LSAMP: variants seen among roughly 807,000 people sequenced by gnomAD.
LSAMP encodes limbic system associated membrane protein, also known as limbic system-associated membrane protein.
LSAMP carries 7 observed loss-of-function variants against 38.6 expected under a neutral mutation model. The ratio of observed to expected loss-of-function variants is 0.18; its 90% confidence interval spans 0.10 to 0.34. LSAMP has a LOEUF of 0.34. LSAMP is among the 10% of genes least tolerant of loss of function. LSAMP has a pLI of 1.00. For missense variants in LSAMP, 313 were observed against 420.0 expected (o/e 0.75, Z 2.23); for synonymous variants, 154 against 166.8 (o/e 0.92, Z 0.59).
At chr3:115,915,694 G>A (rs142859135) in intron 3 of LSAMP, among the ~76,000 whole-genome samples, 1,901 of 151,722 alleles carry the variant, frequency 0.013, 15 homozygotes, top group Non-Finnish European at 0.02. Flanking sequence ...GTGCAGTGGC[G>A]CAATCTCGGC....
intron 6 of LSAMP, 85 bp from the exon 7 acceptor site, chr3:115,810,499 G>T: frequency 1.1e-6 from 1 of 907,920 alleles, no homozygotes; most frequent in Non-Finnish European, 1.8e-6. Context: ...TGGTATCAGA[G>T]GTAAGACCTG....
intron 1 of LSAMP, among the ~76,000 whole-genome samples, chr3:116,115,617 T>C (rs893555934): frequency 6.6e-6 from 1 of 152,166 alleles, no homozygotes; most frequent in African/African-American, 2.4e-5. Flanking sequence ...ATTTGTGAGA[T>C]AGAAATTATT....
chr3:116,192,743 T>C (rs969843666), intron 1 of LSAMP, among the ~76,000 whole-genome samples: 3 of 152,236 alleles, frequency 2.0e-5, no homozygotes, highest in African/African-American at 7.2e-5. Context: ...CAATGGTTAG[T>C]GCTGTGCTAC....
rs59857062 is a variant in LSAMP at position 116,444,811 on chromosome 3, A to AAC, written c.155+64_155+65dup. On this transcript the variant is annotated intron_variant, in intron 1 of 6. Transcript: ENST00000490035. ...AGACACACACACACACACACACACA[A>AAC]ACACACACACACACACACACACACG... is the stretch of plus-strand genomic sequence containing the variant. 3,202 of 710,004 alleles carry AAC rather than the reference A, an allele frequency of 4.5e-3. 26 individuals are homozygous for AAC. In the African/African-American group the frequency reaches 0.054, roughly 12 times the overall value. The allele number at this position is 710,004 out of a possible 1,614,324, so 44.0% of individuals were successfully genotyped here. A position where few individuals can be genotyped will look rare whatever the true frequency, so the allele number is the denominator to read the frequency against.
At chr3:115,910,316 C>T (rs1451316593) in intron 3 of LSAMP, among the ~76,000 whole-genome samples, 2 of 152,138 alleles carry the variant, frequency 1.3e-5, no homozygotes, top group South Asian at 2.1e-4. Flanking sequence ...AGTTCTGTTG[C>T]AAATGTAAAA....
intron 1 of LSAMP, among the ~76,000 whole-genome samples, chr3:116,317,395 T>G (rs935843705): frequency 2.7e-5 from 4 of 150,414 alleles, no homozygotes; most frequent in South Asian, 2.1e-4. Context: ...TCGCTCTGTC[T>G]CCCAGGCTGG....
chr3:115,832,701 A>G (rs1181789793), intron 6 of LSAMP, among the ~76,000 whole-genome samples: 2 of 152,204 alleles, frequency 1.3e-5, no homozygotes, highest in Non-Finnish European at 2.9e-5. Flanking sequence ...GTCTTAATGA[A>G]CAGCTTTTCA....
chr3:116,004,406 A>G lies in LSAMP; in HGVS notation c.514+15109T>C, dbSNP rs1576299764. ...ATAATCTAAGCAAATGTATATATGT[A>G]TACTTACATATATACACATATACAT... is the stretch of plus-strand genomic sequence containing the variant. On this transcript the variant is annotated intron_variant, in intron 3 of 6. Coordinates refer to ENST00000490035, the MANE Select transcript of LSAMP (RefSeq NM_002338.5). Among the ~76,000 whole-genome samples, 3 of 151,828 alleles carry G rather than the reference A, an allele frequency of 2.0e-5. No homozygotes were observed. In the South Asian group the frequency reaches 6.2e-4, roughly 31 times the overall value.
At chr3:116,115,180 CT>C (rs1708714189) in intron 1 of LSAMP, among the ~76,000 whole-genome samples, 2 of 152,178 alleles carry the variant, frequency 1.3e-5, no homozygotes, top group Admixed American at 6.5e-5. Flanking sequence ...ATTTGCATTA[CT>C]TTCAATGCAG....
At chr3:115,864,248 C>G (rs906894756) in intron 3 of LSAMP, among the ~76,000 whole-genome samples, 1 of 144,650 alleles carries the variant, frequency 6.9e-6, no homozygotes, top group Admixed American at 7.2e-5. Flanking sequence ...CTATTCTCCA[C>G]TCCATGGCAC....
intron 1 of LSAMP, among the ~76,000 whole-genome samples, chr3:116,316,945 G>A (rs2047637352): frequency 6.6e-6 from 1 of 152,114 alleles, no homozygotes. Flanking sequence ...ATTTTCAACA[G>A]TACTGTTCCA....
chr3:116,230,048 A>G (rs1429754940), intron 1 of LSAMP, among the ~76,000 whole-genome samples: 1 of 152,210 alleles, frequency 6.6e-6, no homozygotes, highest in Non-Finnish European at 1.5e-5. Context: ...CTTTGGCAGA[A>G]GAATAAGAAA....
chr3:116,270,209 C>A (rs565179506), intron 1 of LSAMP, among the ~76,000 whole-genome samples: 6 of 152,012 alleles, frequency 3.9e-5, no homozygotes, highest in Middle Eastern at 6.8e-3. Flanking sequence ...AATTAGTCAC[C>A]GCAGACCCTT....
At chr3:116,366,593 A>G (rs966082827) in intron 1 of LSAMP, among the ~76,000 whole-genome samples, 2 of 152,184 alleles carry the variant, frequency 1.3e-5, no homozygotes, top group Non-Finnish European at 2.9e-5. Flanking sequence ...GCATCTAAGG[A>G]TTAAAGTAGT....
chr3:116,279,958 A>ACAAT (rs2047107484), intron 1 of LSAMP, among the ~76,000 whole-genome samples: 3 of 152,224 alleles, frequency 2.0e-5, no homozygotes, highest in Admixed American at 2.0e-4. Flanking sequence ...CAGTTAAGAA[A>ACAAT]CAATCATTAA....
intron 1 of LSAMP, among the ~76,000 whole-genome samples, chr3:116,207,437 T>C (rs1472993122): frequency 6.6e-6 from 1 of 150,922 alleles, no homozygotes; most frequent in African/African-American, 2.4e-5. Flanking sequence ...GTGAATTTGA[T>C]CCTGTCATTA....
At chr3:116,150,710 T>C (rs920898028) in intron 1 of LSAMP, among the ~76,000 whole-genome samples, 2 of 151,922 alleles carry the variant, frequency 1.3e-5, no homozygotes, top group African/African-American at 4.8e-5. Flanking sequence ...GCTACCCACC[T>C]GAAGGGCTGG....
chr3:116,317,191 A>G (rs1019590835), intron 1 of LSAMP, among the ~76,000 whole-genome samples: 2 of 152,118 alleles, frequency 1.3e-5, no homozygotes, highest in African/African-American at 4.8e-5. Flanking sequence ...TTGGCTCTTC[A>G]CAATAAATCT....
intron 3 of LSAMP, among the ~76,000 whole-genome samples, chr3:116,008,894 T>C (rs1940244005): frequency 6.6e-6 from 1 of 152,106 alleles, no homozygotes; most frequent in African/African-American, 2.4e-5. Flanking sequence ...AATGCAGATT[T>C]TCATCCAGTG....
Sources: allele counts gnomAD v4.1 joint callset (sites outside exome capture counted in the v4.1 genomes callset), GRCh38; gene constraint gnomAD v4.1.1; transcripts MANE v1.5; gene names NCBI Gene and HGNC (gene_info 2026-07-23, HGNC 2026-07-21).